Variants in ASIC2 observed in about 807,000 individuals in gnomAD.
ASIC2 encodes the protein acid sensing ion channel subunit 2, also known as acid-sensing ion channel 2.
In ASIC2, 25 loss-of-function variants were observed where a neutral mutation model predicts 57.3. That is an observed-to-expected ratio of 0.44 (90% CI 0.32 to 0.61). The LOEUF is 0.61. Among genes scored for constraint, ASIC2 ranks in the 20% least tolerant of loss-of-function variants. The pLI is 0.06. For synonymous variants in ASIC2, 319 were observed against 307.5 expected (o/e 1.04, Z -0.39); for missense variants, 641 against 738.1 (o/e 0.87, Z 1.52).
At chr17:33,690,571 A>G (rs1188996531) in intron 1 of ASIC2, among the ~76,000 whole-genome samples, 1 of 152,092 alleles carries the variant, frequency 6.6e-6, no homozygotes, top group Non-Finnish European at 1.5e-5. Context: ...GCCAAAAACT[A>G]GTCACATACC....
At chr17:33,863,311 A>AACTC (rs1157564890) in intron 1 of ASIC2, among the ~76,000 whole-genome samples, 2 of 152,206 alleles carry the variant, frequency 1.3e-5, no homozygotes, top group African/African-American at 4.8e-5. Context: ...GTTCACATAG[A>AACTC]ACTCTGGTAT....
intron 1 of ASIC2, among the ~76,000 whole-genome samples, chr17:33,957,562 C>G (rs1162582969): frequency 6.6e-6 from 1 of 152,062 alleles, no homozygotes; most frequent in Non-Finnish European, 1.5e-5. Context: ...GGAACTGCCC[C>G]TTATAAAACC....
At chr17:33,973,360 C>T (rs902560) in intron 1 of ASIC2, among the ~76,000 whole-genome samples, 141,529 of 152,272 alleles carry the variant, frequency 0.93, 65,972 homozygotes, top group Non-Finnish European at 0.97. Context: ...CAGGTGCAGG[C>T]GGAGGCAAGC....
At chr17:33,736,968 G>T (rs1317998210) in intron 1 of ASIC2, among the ~76,000 whole-genome samples, 1 of 152,256 alleles carries the variant, frequency 6.6e-6, no homozygotes, top group Non-Finnish European at 1.5e-5. Context: ...ACAGTAAGCT[G>T]CACATATTTA....
intron 1 of ASIC2, among the ~76,000 whole-genome samples, chr17:33,745,762 A>C (rs1043528838): frequency 2.0e-5 from 3 of 152,184 alleles, no homozygotes; most frequent in African/African-American, 7.2e-5. Context: ...AATTGAGAGA[A>C]TTCATTGCTG....
At chr17:34,061,494 G>T (rs1320233047) in intron 1 of ASIC2, among the ~76,000 whole-genome samples, 2 of 152,128 alleles carry the variant, frequency 1.3e-5, no homozygotes, top group Non-Finnish European at 2.9e-5. Flanking sequence ...GCAACAAAGA[G>T]CATGATGAAA....
intron 1 of ASIC2, among the ~76,000 whole-genome samples, chr17:34,151,003 T>C (rs1904493819): frequency 6.6e-6 from 1 of 150,450 alleles, no homozygotes. Context: ...CTCGGGAAGC[T>C]GAGGCAGGAG....
intron 1 of ASIC2, among the ~76,000 whole-genome samples, chr17:33,128,451 G>A (rs2092333123): frequency 6.6e-6 from 1 of 152,194 alleles, no homozygotes; most frequent in Non-Finnish European, 1.5e-5. Flanking sequence ...AAGCAGAATG[G>A]GGATGGAGAC....
chr17:33,056,421 T>C (rs2091998156), intron 3 of ASIC2, among the ~76,000 whole-genome samples: 1 of 152,162 alleles, frequency 6.6e-6, no homozygotes, highest in South Asian at 2.1e-4. Context: ...CAGTTTGGGG[T>C]TGGGGGAAGA....
intron 1 of ASIC2, among the ~76,000 whole-genome samples, chr17:33,991,287 G>A (rs1162685040): frequency 6.6e-6 from 1 of 152,204 alleles, no homozygotes; most frequent in Non-Finnish European, 1.5e-5. Flanking sequence ...TACTGATAAA[G>A]AGAAGACATC....
chr17:33,257,435 G>A (rs1221839312), intron 1 of ASIC2, among the ~76,000 whole-genome samples: 2 of 152,332 alleles, frequency 1.3e-5, no homozygotes, highest in East Asian at 3.9e-4. Flanking sequence ...AGTGAGAGGA[G>A]GGTTGTTATT....
intron 1 of ASIC2, among the ~76,000 whole-genome samples, chr17:33,870,525 CG>C (rs1567740638): frequency 6.6e-6 from 1 of 151,716 alleles, no homozygotes; most frequent in East Asian, 2.0e-4. Flanking sequence ...GGTGAGGGTA[CG>C]GGAGGAAGAA....
chr17:33,285,614 G>T (rs1198854426), intron 1 of ASIC2, among the ~76,000 whole-genome samples: 1 of 152,176 alleles, frequency 6.6e-6, no homozygotes, highest in African/African-American at 2.4e-5. Context: ...GGTTGGGCTG[G>T]ACTTCCCAGG....
chr17:33,371,125 T>A (rs2141938826), intron 1 of ASIC2, among the ~76,000 whole-genome samples: 1 of 152,332 alleles, frequency 6.6e-6, no homozygotes, highest in South Asian at 2.1e-4. Flanking sequence ...GAATTGATAT[T>A]ATTGTCTTTA....
In ASIC2 at chr17:33,499,314, G is replaced by C. The variant is rs1914033390; in HGVS notation, c.556-387247C>G. Reference sequence around the variant, plus strand: ...ATCACCTAAAAGTTTATATGTTGCAGTGCTAACTCCCTGTCTGTCAGTGTG... The same window carrying C: ...ATCACCTAAAAGTTTATATGTTGCACTGCTAACTCCCTGTCTGTCAGTGTG... On this transcript the variant is annotated intron_variant, in intron 1 of 9. Transcript: ENST00000359872. Among the ~76,000 whole-genome samples, 3 of 152,224 alleles carry C rather than the reference G, an allele frequency of 2.0e-5. No individual in the cohort carries two copies. The South Asian group carries it at 6.2e-4, about 32-fold the overall frequency.
chr17:33,796,437 ATTACATGCTTAATAG>A (rs1911921409), intron 1 of ASIC2, among the ~76,000 whole-genome samples: 1 of 152,334 alleles, frequency 6.6e-6, no homozygotes, highest in South Asian at 2.1e-4. Flanking sequence ...TAGAAATAAT[ATTACATGCTTAATAG>A]CAGGTTGGAT....
intron 1 of ASIC2, among the ~76,000 whole-genome samples, chr17:33,871,352 CAT>C (rs1420844972): frequency 6.6e-6 from 1 of 152,200 alleles, no homozygotes; most frequent in East Asian, 1.9e-4. Context: ...AAATAACACA[CAT>C]AAAGCTAACT....
chr17:33,780,396 C>T (rs1911415226), intron 1 of ASIC2, among the ~76,000 whole-genome samples: 1 of 152,152 alleles, frequency 6.6e-6, no homozygotes, highest in Non-Finnish European at 1.5e-5. Flanking sequence ...CCATTGTAGC[C>T]ACAGTGTTCC....
intron 1 of ASIC2, among the ~76,000 whole-genome samples, chr17:33,403,995 C>T (rs1301212660): frequency 1.3e-5 from 2 of 152,206 alleles, no homozygotes; most frequent in African/African-American, 4.8e-5. Flanking sequence ...CAATGCTTAA[C>T]TTTTGTGAAG....
Sources: allele counts gnomAD v4.1 joint callset (sites outside exome capture counted in the v4.1 genomes callset), GRCh38; gene constraint gnomAD v4.1.1; transcripts MANE v1.5; gene names NCBI Gene and HGNC (gene_info 2026-07-23, HGNC 2026-07-21).